The following TEAD1 variants were observed in gnomAD, a reference collection of about 807,000 sequenced individuals.
TEAD1 encodes the protein transcriptional enhancer factor TEF-1.
A neutral mutation model predicts 54.9 loss-of-function variants in TEAD1; 9 were observed. That is an observed-to-expected ratio of 0.16 (90% CI 0.10 to 0.29). The LOEUF is 0.29. TEAD1 is among the 10% of genes least tolerant of loss of function. TEAD1 has a pLI of 1.00. For synonymous variants in TEAD1, 200 were observed against 187.8 expected (o/e 1.07, Z -0.53); for missense variants, 387 against 535.9 (o/e 0.72, Z 2.74).
chr11:12,879,378 G>A, intron 5 of TEAD1: 3 of 578,282 alleles, frequency 5.2e-6, no homozygotes, highest in East Asian at 2.9e-5. Flanking sequence ...TTCCTTAAAT[G>A]TTTTAAGTAA....
intron 12 of TEAD1, among the ~76,000 whole-genome samples, chr11:12,935,783 T>G (rs1456202307): frequency 6.6e-6 from 1 of 152,158 alleles, no homozygotes; most frequent in South Asian, 2.1e-4. Context: ...AAATGACTTG[T>G]GTGCCATGTC....
intron 3 of TEAD1, among the ~76,000 whole-genome samples, chr11:12,832,115 T>C (rs1590194093): frequency 6.6e-6 from 1 of 152,248 alleles, no homozygotes; most frequent in Non-Finnish European, 1.5e-5. Flanking sequence ...TCATGGTGAT[T>C]AAAATGATTA....
intron 10 of TEAD1, among the ~76,000 whole-genome samples, chr11:12,924,271 T>C (rs1203400196): frequency 1.3e-5 from 2 of 152,204 alleles, no homozygotes; most frequent in African/African-American, 4.8e-5. Context: ...CAACTCTAAG[T>C]ATCTCTGACA....
chr11:12,820,697 C>G lies in TEAD1; in HGVS notation c.203-41553C>G, dbSNP rs549574682. Among the ~76,000 whole-genome samples, 23 of 152,020 alleles carry G rather than the reference C, an allele frequency of 1.5e-4. 1 individual carries two copies. The highest frequency in any genetic ancestry group is 3.4e-3 in the Middle Eastern group (1 of 294). On this transcript the variant is annotated intron_variant, in intron 3 of 12. Transcript: ENST00000527636. ...ATGGCTACTGTTTCAGGGGACAGGA[C>G]TAGAAGGGAACCCGGACAAAGAAAA...
At chr11:12,710,488 G>C (rs1304730764) in intron 2 of TEAD1, among the ~76,000 whole-genome samples, 1 of 152,170 alleles carries the variant, frequency 6.6e-6, no homozygotes, top group African/African-American at 2.4e-5. Context: ...ACCAGTAAAT[G>C]ATGGTTAAAC....
intron 2 of TEAD1, among the ~76,000 whole-genome samples, chr11:12,754,976 G>A (rs142182939): frequency 7.2e-5 from 11 of 152,318 alleles, no homozygotes; most frequent in East Asian, 3.9e-4. Context: ...AGGGAGGGCC[G>A]TTTCTGATGC....
chr11:12,729,227 G>A (rs1326972293), intron 2 of TEAD1, among the ~76,000 whole-genome samples: 4 of 152,214 alleles, frequency 2.6e-5, no homozygotes, highest in Middle Eastern at 3.2e-3. Context: ...TGGGCTTTCA[G>A]ATCATGTGGA....
chr11:12,732,270 C>T (rs1470367537), intron 2 of TEAD1, among the ~76,000 whole-genome samples: 1 of 152,188 alleles, frequency 6.6e-6, no homozygotes, highest in Admixed American at 6.5e-5. Context: ...CAGCAAATCC[C>T]AGCAATCATT....
intron 2 of TEAD1, among the ~76,000 whole-genome samples, chr11:12,756,667 A>G (rs1056451821): frequency 1.3e-5 from 2 of 152,152 alleles, no homozygotes; most frequent in African/African-American, 4.8e-5. Context: ...CCTACATCCT[A>G]CTGTCTAGTG....
At chr11:12,785,111 C>T (rs1945650964) in intron 3 of TEAD1, among the ~76,000 whole-genome samples, 1 of 152,194 alleles carries the variant, frequency 6.6e-6, no homozygotes, top group Non-Finnish European at 1.5e-5. Context: ...GAGGATGTTT[C>T]TGAGCCAGGG....
chr11:12,677,407 C>T (rs879939420), intron 2 of TEAD1, among the ~76,000 whole-genome samples: 7 of 151,964 alleles, frequency 4.6e-5, no homozygotes, highest in Non-Finnish European at 5.9e-5. Context: ...TTTCCCATTT[C>T]CTCTCTCCCC....
At position 12,937,346 on chromosome 11, in the gene TEAD1, C is replaced by T. The variant is rs935622160; in HGVS notation, c.*124C>T. 21 of 757,816 alleles carry T rather than the reference C, an allele frequency of 2.8e-5. No individual in the cohort carries two copies. Among genetic ancestry groups the T allele is most frequent in the South Asian group, 1.6e-4 (9 of 57,988 alleles). The allele number at this position is 757,816 out of a possible 1,614,324, so 46.9% of individuals were successfully genotyped here. A position where few individuals can be genotyped will look rare whatever the true frequency, so the allele number is the denominator to read the frequency against. ...ACCACACAGGGTGGTGCCCTGGCCC[C>T]GAGGTCACCCCGACTTTTCTAAATC... On this transcript the variant is annotated 3_prime_UTR_variant, in exon 13 of 13. Coordinates refer to ENST00000527636, the MANE Select transcript of TEAD1 (RefSeq NM_021961.6).
At chr11:12,705,764 G>T (rs1943800846) in intron 2 of TEAD1, among the ~76,000 whole-genome samples, 1 of 152,082 alleles carries the variant, frequency 6.6e-6, no homozygotes, top group Admixed American at 6.6e-5. Flanking sequence ...TTACCATGTT[G>T]TCTTTTTACT....
intron 12 of TEAD1, among the ~76,000 whole-genome samples, chr11:12,934,915 G>A (rs1236717047): frequency 6.6e-6 from 1 of 152,050 alleles, no homozygotes; most frequent in Non-Finnish European, 1.5e-5. Context: ...TCGTGAAACA[G>A]GTACCTCTGA....
intron 3 of TEAD1, among the ~76,000 whole-genome samples, chr11:12,798,563 CA>C: frequency 6.6e-6 from 1 of 152,170 alleles, no homozygotes; most frequent in African/African-American, 2.4e-5. Flanking sequence ...TGCCTGTGGT[CA>C]AGTAAATGCA....
chr11:12,714,919 A>G (rs977542721), intron 2 of TEAD1, among the ~76,000 whole-genome samples: 1 of 152,122 alleles, frequency 6.6e-6, no homozygotes, highest in Non-Finnish European at 1.5e-5. Flanking sequence ...TTAAAAGGCC[A>G]TGTCTCCAAA....
intron 5 of TEAD1, among the ~76,000 whole-genome samples, chr11:12,876,283 A>T (rs1947853143): frequency 6.6e-6 from 1 of 152,202 alleles, no homozygotes; most frequent in Non-Finnish European, 1.5e-5. Context: ...AAGAATATCA[A>T]ACTTGTTTGA....
At chr11:12,777,409 C>G (rs1399942920) in intron 3 of TEAD1, among the ~76,000 whole-genome samples, 1 of 152,062 alleles carries the variant, frequency 6.6e-6, no homozygotes, top group African/African-American at 2.4e-5. Context: ...TGTGACTTGC[C>G]CGATATTTTG....
At chr11:12,839,660 C>T (rs183308624) in intron 3 of TEAD1, among the ~76,000 whole-genome samples, 23 of 152,134 alleles carry the variant, frequency 1.5e-4, no homozygotes, top group Middle Eastern at 6.8e-3. Context: ...CAGAATGTGG[C>T]GGGGGTTATC....
Sources: allele counts gnomAD v4.1 joint callset (sites outside exome capture counted in the v4.1 genomes callset), GRCh38; gene constraint gnomAD v4.1.1; transcripts MANE v1.5; gene names NCBI Gene and HGNC (gene_info 2026-07-23, HGNC 2026-07-21).